The following MEGF10 variants were observed in gnomAD, a reference collection of about 807,000 sequenced individuals.
MEGF10 encodes multiple EGF like domains 10.
Under a neutral mutation model 147.5 loss-of-function variants are expected in MEGF10, and 86 were observed. The observed-to-expected ratio is 0.58, with a 90% confidence interval of 0.49 to 0.70. The LOEUF (loss-of-function observed/expected upper bound fraction) is 0.70, where lower values mean the gene tolerates loss of function less well. MEGF10 is among the 30% of genes least tolerant of loss of function. The probability of loss-of-function intolerance (pLI) is 0.00; values close to 1 mark genes in which losing one functional copy is unlikely to be tolerated. For missense variants in MEGF10, 1,329 were observed against 1,487.3 expected, an observed-to-expected ratio of 0.89 and a Z score of 1.75; for synonymous variants, 478 against 525.5, an observed-to-expected ratio of 0.91 and a Z score of 1.24.
rs764996899 is a variant in MEGF10, at chr5:127,396,660, C to T, written c.541C>T (p.Arg181Cys). The T allele has an allele frequency of 1.5e-5, 24 of 1,613,958 alleles. No individual in the cohort carries two copies. The East Asian group carries it at 1.6e-4, about 10-fold the overall frequency. Residue 181 changes from arginine to cysteine, a missense_variant, in exon 6 of 25, where the codon CGC becomes TGC. Arg to Cys is a radical substitution (Grantham distance 180, BLOSUM62 -3). Transcript: ENST00000503335. ...AGFRGWRCED[R>C]CEQGTYGNDC... The stretch of plus-strand genomic sequence containing the variant: ...CTTCCGGGGCTGGCGCTGCGAGGAC[C>T]GCTGTGAGCAGGGCACCTATGGTAA...
At chr5:127,449,400 C>T (rs1766073133) in intron 22 of MEGF10, among the ~76,000 whole-genome samples, 178 bp downstream of exon 22, 1 of 152,164 alleles carries the variant, frequency 6.6e-6, no homozygotes, top group Admixed American at 6.5e-5. Context: ...TTTATCTATT[C>T]AACAAACATT....
intron 22 of MEGF10, among the ~76,000 whole-genome samples, chr5:127,452,322 T>C (rs969427359): frequency 6.6e-6 from 1 of 152,338 alleles, no homozygotes; most frequent in East Asian, 1.9e-4. Flanking sequence ...TGCTACAGTC[T>C]GGAGATGGCC....
intron 2 of MEGF10, among the ~76,000 whole-genome samples, chr5:127,336,587 G>A (rs1435708178): frequency 6.6e-6 from 1 of 151,996 alleles, no homozygotes; most frequent in Non-Finnish European, 1.5e-5. Context: ...TATGGAATTG[G>A]TTCTTCCATC....
rs1763913003 is a variant in MEGF10, at chr5:127,396,401, G to T, written c.413-131G>T. The T allele has an allele frequency of 3.7e-6, 4 of 1,089,248 alleles. No homozygotes were observed. The East Asian group carries it at 1.0e-4, about 28-fold the overall frequency. 67.5% of individuals were successfully genotyped at this position (1,089,248 alleles called of 1,614,324 possible). A position where few individuals can be genotyped will look rare whatever the true frequency, so the allele number is the denominator to read the frequency against. On this transcript the variant is annotated intron_variant, in intron 5 of 24. Coordinates refer to ENST00000503335, the MANE Select transcript of MEGF10 (RefSeq NM_001256545.2). ...ACCAGTTTGTGAAGCATTGCCATGGGTTGGGGCCAGGGCCCTGATGTCCAG... is the reference window on the plus strand; with the variant it reads ...ACCAGTTTGTGAAGCATTGCCATGGTTTGGGGCCAGGGCCCTGATGTCCAG...
intron 4 of MEGF10, among the ~76,000 whole-genome samples, chr5:127,351,408 C>T (rs1762085151): frequency 6.6e-6 from 1 of 151,900 alleles, no homozygotes; most frequent in African/African-American, 2.4e-5. Flanking sequence ...ATTTTCTTGT[C>T]TATCAATTAC....
intron 8 of MEGF10, among the ~76,000 whole-genome samples, 179 bp from the exon 9 acceptor site, chr5:127,410,210 T>C (rs903186752): frequency 6.6e-6 from 1 of 152,390 alleles, no homozygotes; most frequent in African/African-American, 2.4e-5. Flanking sequence ...GTTACTACAA[T>C]ATGTAGCCAG....
In MEGF10 at chr5:127,457,423, G is replaced by A. The variant is rs1766407968; in HGVS notation, c.*105G>A. Reference sequence around the variant, plus strand: ...TTTCATGTGAATGTTAGTCAATTCGGTGGGCAATTTTTGGACATGAACCAG... The same window carrying A: ...TTTCATGTGAATGTTAGTCAATTCGATGGGCAATTTTTGGACATGAACCAG... On this transcript the variant is annotated 3_prime_UTR_variant, in exon 25 of 25. Coordinates refer to ENST00000503335, the MANE Select transcript of MEGF10 (RefSeq NM_001256545.2). 1.6e-6 allele frequency: 2 copies of A among 1,286,604 alleles called. No individual in the cohort carries two copies. Among genetic ancestry groups the A allele is most frequent in the African/African-American group, 1.5e-5 (1 of 67,224 alleles). 79.7% of individuals were successfully genotyped at this position (1,286,604 alleles called of 1,614,324 possible).
intron 8 of MEGF10, among the ~76,000 whole-genome samples, chr5:127,405,894 T>C (rs17763370): frequency 0.026 from 3,950 of 152,328 alleles, 53 homozygotes; most frequent in East Asian, 0.049. Context: ...CAATGAATTA[T>C]TGACATCCTT....
chr5:127,433,402 G>A lies in MEGF10; in HGVS notation c.1733G>A (p.Gly578Asp), dbSNP rs777779079. The A allele has an allele frequency of 1.1e-5, 17 of 1,614,032 alleles. No homozygotes were observed. The Admixed American group carries it at 2.7e-4, about 25-fold the overall frequency. ...AGCGTGTGTGCTGAGGGACGCTGGG[G>A]CCCCAACTGCTCCCTGCCCTGCTAC... ...CDSVCAEGRWGPNCSLPCYCK... is the reference protein window; with the variant it reads ...CDSVCAEGRWDPNCSLPCYCK... The change falls in exon 14 of 25, where the codon GGC becomes GAC. Residue 578 changes from glycine to aspartate, a missense_variant. Physicochemically the swap from Gly to Asp is moderately conservative, Grantham distance 94 (BLOSUM62 -1). This residue lies in a region of MEGF10 where 980 missense variants were observed against 1,085.9 expected (regional missense o/e 0.90). Transcript: ENST00000503335.
the MEGF10 span, among the ~76,000 whole-genome samples, chr5:127,247,387 AAGAAGAAGAAGAAGAAG>A: frequency 3.7e-5 from 1 of 26,814 alleles, no homozygotes; most frequent in African/African-American, 1.8e-4. Context: ...GAAGAAGAAG[AAGAAGAAGAAGAAGAAG>A]AAGAAGAAGA....
At chr5:127,360,453 A>G (rs1300697005) in intron 4 of MEGF10, among the ~76,000 whole-genome samples, 1 of 151,804 alleles carries the variant, frequency 6.6e-6, no homozygotes, top group African/African-American at 2.4e-5. Flanking sequence ...CTTCCTTCCT[A>G]ATCTATATAA....
intron 2 of MEGF10, 90 bp from the exon 3 acceptor site, chr5:127,339,030 A>G: frequency 1.5e-6 from 1 of 671,958 alleles, no homozygotes; most frequent in East Asian, 3.2e-5. Context: ...GCAAATGGAG[A>G]TAATTTAGCT....
At chr5:127,407,545 A>C (rs184576964) in intron 8 of MEGF10, among the ~76,000 whole-genome samples, 1 of 152,310 alleles carries the variant, frequency 6.6e-6, no homozygotes, top group Non-Finnish European at 1.5e-5. Context: ...TTGAAATGTA[A>C]AAAAATTGGA....
intron 9 of MEGF10, among the ~76,000 whole-genome samples, chr5:127,414,511 CTG>C (rs1488435003): frequency 6.6e-6 from 1 of 152,118 alleles, no homozygotes; most frequent in Non-Finnish European, 1.5e-5. Flanking sequence ...GAGTTGTTCT[CTG>C]TGATTAATGG....
chr5:127,308,083 G>A (rs1324080651), intron 1 of MEGF10, among the ~76,000 whole-genome samples: 1 of 152,116 alleles, frequency 6.6e-6, no homozygotes, highest in African/African-American at 2.4e-5. Flanking sequence ...TCTCCCTGTA[G>A]GTATTATAAA....
At chr5:127,432,201 A>T (rs1209245634) in intron 13 of MEGF10, among the ~76,000 whole-genome samples, 1 of 152,192 alleles carries the variant, frequency 6.6e-6, no homozygotes, top group East Asian at 1.9e-4. Context: ...CAGAAGGAAA[A>T]AAACAGGAAC....
At chr5:127,433,298 A>C in intron 13 of MEGF10, 65 bp from the exon 14 acceptor site, 1 of 1,604,130 alleles carries the variant, frequency 6.2e-7, no homozygotes. Flanking sequence ...CTCATCTATG[A>C]ATTAGCATCT....
intron 4 of MEGF10, among the ~76,000 whole-genome samples, chr5:127,344,194 T>C (rs1175049507): frequency 2.0e-5 from 3 of 152,190 alleles, no homozygotes; most frequent in African/African-American, 7.2e-5. Context: ...AAAGATTATG[T>C]ATGTATATAT....
At chr5:127,289,426 GA>G (rs1759139767), upstream of MEGF10, among the ~76,000 whole-genome samples, 1 of 152,224 alleles carries the variant, frequency 6.6e-6, no homozygotes, top group African/African-American at 2.4e-5. Flanking sequence ...GAGAGGGCCT[GA>G]GGGGCTTAGC....
Sources: allele counts gnomAD v4.1 joint callset (sites outside exome capture counted in the v4.1 genomes callset), GRCh38; gene constraint gnomAD v4.1.1; regional missense constraint gnomAD v4.1.1; transcripts MANE v1.5; gene names NCBI Gene and HGNC (gene_info 2026-07-23, HGNC 2026-07-21).